Variants in RBFOX1 observed in about 807,000 individuals in gnomAD.
RBFOX1 encodes the protein RNA binding fox-1 homolog 1.
A neutral mutation model predicts 57.7 loss-of-function variants in RBFOX1; 8 were observed. The ratio of observed to expected loss-of-function variants is 0.14; its 90% CI spans 0.08 to 0.25. RBFOX1 has a LOEUF of 0.25. RBFOX1 is among the 10% of genes least tolerant of loss of function. The pLI is 1.00. For synonymous variants in RBFOX1, 326 were observed against 222.4 expected (o/e 1.47, Z -4.15); for missense variants, 611 against 548.5 (o/e 1.11, Z -1.14).
At chr16:6,184,453 G>A (rs1007293973) in intron 1 of RBFOX1, among the ~76,000 whole-genome samples, 1 of 152,212 alleles carries the variant, frequency 6.6e-6, no homozygotes, top group Non-Finnish European at 1.5e-5. Flanking sequence ...AGTGGTCAGA[G>A]TTTGGATATA....
intron 3 of RBFOX1, among the ~76,000 whole-genome samples, chr16:6,959,668 G>T (rs2082558665): frequency 6.6e-6 from 1 of 152,134 alleles, no homozygotes; most frequent in Non-Finnish European, 1.5e-5. Context: ...TGGGCGTAAT[G>T]GCTCACATCT....
chr16:6,585,140 C>T (rs551924448), intron 2 of RBFOX1, among the ~76,000 whole-genome samples: 1 of 152,080 alleles, frequency 6.6e-6, no homozygotes, highest in Non-Finnish European at 1.5e-5. Context: ...CAGCCTCATG[C>T]AAAGAAAAAA....
At chr16:7,133,040 C>T (rs550268115) in intron 4 of RBFOX1, among the ~76,000 whole-genome samples, 9 of 152,086 alleles carry the variant, frequency 5.9e-5, no homozygotes, top group African/African-American at 2.2e-4. Flanking sequence ...AAATCATGTG[C>T]CTTGGTATTT....
chr16:6,408,037 T>C (rs9926223), intron 2 of RBFOX1, among the ~76,000 whole-genome samples: 99,985 of 151,844 alleles, frequency 0.66, 33,625 homozygotes, highest in African/African-American at 0.81. Context: ...GAAGCTTGTT[T>C]ACCCCTCCCA....
chr16:7,069,113 C>T (rs1485009306), intron 4 of RBFOX1, among the ~76,000 whole-genome samples: 1 of 152,200 alleles, frequency 6.6e-6, no homozygotes. Context: ...TATTTTATCA[C>T]CCACTCCTTT....
At chr16:7,194,601 C>T (rs1602550999) in intron 4 of RBFOX1, among the ~76,000 whole-genome samples, 1 of 152,142 alleles carries the variant, frequency 6.6e-6, no homozygotes, top group Non-Finnish European at 1.5e-5. Context: ...CTACCCCTTT[C>T]CCAGAAACAC....
intron 3 of RBFOX1, among the ~76,000 whole-genome samples, chr16:6,923,323 C>A (rs908610321): frequency 1.3e-5 from 2 of 152,176 alleles, no homozygotes; most frequent in Admixed American, 1.3e-4. Context: ...CATGTGAGGT[C>A]AGGAGTTCAA....
intron 4 of RBFOX1, among the ~76,000 whole-genome samples, chr16:7,444,429 G>C (rs1341377137): frequency 1.3e-5 from 2 of 152,178 alleles, no homozygotes; most frequent in East Asian, 3.9e-4. Context: ...AAAGAGAACA[G>C]AGTTGAAGAC....
chr16:5,599,483 C>G, exon 3 of RBFOX1: 1 of 499,690 alleles, frequency 2.0e-6, no homozygotes, highest in Non-Finnish European at 3.5e-6. Context: ...ATAACAGTGG[C>G]CAGGAAGTTC....
At chr16:6,629,897 A>G (rs538845982) in intron 2 of RBFOX1, among the ~76,000 whole-genome samples, 1 of 150,864 alleles carries the variant, frequency 6.6e-6, no homozygotes, top group South Asian at 2.1e-4. Flanking sequence ...GACCTGGACT[A>G]ACTCATTTTA....
chr16:7,276,072 A>G (rs2095434451), intron 4 of RBFOX1, among the ~76,000 whole-genome samples: 1 of 152,242 alleles, frequency 6.6e-6, no homozygotes, highest in South Asian at 2.1e-4. Context: ...AGAAACTCCT[A>G]AACATACCTC....
At chr16:7,001,571 A>G (rs547067665) in intron 3 of RBFOX1, among the ~76,000 whole-genome samples, 29 of 151,940 alleles carry the variant, frequency 1.9e-4, no homozygotes, top group Non-Finnish European at 3.2e-4. Context: ...ATGCTCCTAC[A>G]TCAGCCTCCC....
chr16:6,221,562 A>G (rs1457013017), intron 1 of RBFOX1, among the ~76,000 whole-genome samples: 1 of 152,052 alleles, frequency 6.6e-6, no homozygotes, highest in East Asian at 1.9e-4. Flanking sequence ...ATTTGTTAAT[A>G]TGATCTTAAG....
chr16:6,998,499 A>G lies in RBFOX1; in HGVS notation c.-15-53558A>G, dbSNP rs537009912. Among the ~76,000 whole-genome samples, 8 of 152,314 alleles carry G rather than the reference A, an allele frequency of 5.3e-5. No individual in the cohort carries two copies. The South Asian group carries it at 1.5e-3, about 28-fold the overall frequency. On this transcript the variant is annotated intron_variant, in intron 3 of 15. Coordinates refer to ENST00000550418, the MANE Select transcript of RBFOX1 (RefSeq NM_018723.4). ...AAAGATGATGTCAGAGCTCTTGGCA[A>G]TGACTTGGCCCTACCAGAAGCAAGA... is the stretch of plus-strand genomic sequence containing the variant.
At chr16:6,696,609 C>A (rs1032396440) in intron 3 of RBFOX1, among the ~76,000 whole-genome samples, 1 of 152,142 alleles carries the variant, frequency 6.6e-6, no homozygotes, top group Admixed American at 6.5e-5. Flanking sequence ...ATAATTACGT[C>A]TCTTCATCAA....
chr16:6,277,967 AATC>A (rs1412459860), intron 1 of RBFOX1, among the ~76,000 whole-genome samples: 1 of 152,208 alleles, frequency 6.6e-6, no homozygotes, highest in Non-Finnish European at 1.5e-5. Flanking sequence ...AATTCCAAGT[AATC>A]ATTGGGTAGG....
chr16:7,300,003 T>C (rs2095993408), intron 4 of RBFOX1, among the ~76,000 whole-genome samples: 1 of 152,172 alleles, frequency 6.6e-6, no homozygotes, highest in African/African-American at 2.4e-5. Context: ...TGCAATAAGA[T>C]TGGAAGGAGC....
intron 2 of RBFOX1, among the ~76,000 whole-genome samples, chr16:5,593,037 T>C (rs576674978): frequency 7.4e-4 from 112 of 152,184 alleles, no homozygotes; most frequent in Non-Finnish European, 1.5e-3. Flanking sequence ...CAGCACCAAA[T>C]ACAGGTCATA....
intron 3 of RBFOX1, among the ~76,000 whole-genome samples, chr16:6,908,844 A>G (rs938578548): frequency 4.6e-5 from 7 of 152,092 alleles, no homozygotes; most frequent in Non-Finnish European, 1.0e-4. Context: ...TCACAAGGCT[A>G]TTGTGGGGAC....
Sources: gnomAD v4.1 joint callset for allele counts (sites outside exome capture counted in the v4.1 genomes callset) on GRCh38, gnomAD v4.1.1 for gene constraint, MANE v1.5 for transcripts, NCBI Gene and HGNC (gene_info 2026-07-23, HGNC 2026-07-21) for gene names.